MAST4: variants seen among roughly 807,000 people sequenced by gnomAD.
MAST4 encodes microtubule associated serine/threonine kinase family member 4, also known as microtubule-associated serine/threonine-protein kinase 4.
MAST4 carries 89 observed loss-of-function variants against 162.7 expected under a neutral mutation model. The observed-to-expected ratio is 0.55, with a 90% CI of 0.46 to 0.65. The LOEUF (loss-of-function observed/expected upper bound fraction) is 0.65. MAST4 is among the 30% of genes least tolerant of loss of function. The pLI is 0.00. For missense variants in MAST4, 3,153 were observed against 3,374.0 expected, an observed-to-expected ratio of 0.93 and a Z score of 1.62; for synonymous variants, 1,479 against 1,361.1, an observed-to-expected ratio of 1.09 and a Z score of -1.91.
chr5:66,936,848 G>A (rs964652742), intron 4 of MAST4, among the ~76,000 whole-genome samples: 2 of 152,154 alleles, frequency 1.3e-5, no homozygotes, highest in African/African-American at 2.4e-5. Flanking sequence ...ATAAATCAAT[G>A]AAAAACTCTT....
rs544007325 is a variant in MAST4, at chr5:67,104,168, A to G, written c.1147-198A>G. Reference sequence around the variant, plus strand: ...ATTCAGCCTTTGTGTTGTATAATCAATGGGTTCAGACAAATGTCTGATGAC... The same window carrying G: ...ATTCAGCCTTTGTGTTGTATAATCAGTGGGTTCAGACAAATGTCTGATGAC... On this transcript the variant is annotated intron_variant, in intron 9 of 28. Coordinates refer to ENST00000403625, the MANE Select transcript of MAST4 (RefSeq NM_001164664.2). Among the ~76,000 whole-genome samples the G allele has an allele frequency of 3.9e-5, 6 of 152,334 alleles. No individual in the cohort carries two copies. The South Asian group carries it at 6.2e-4, about 16-fold the overall frequency.
intron 3 of MAST4, among the ~76,000 whole-genome samples, chr5:66,861,813 C>G (rs1453705309): frequency 6.6e-5 from 10 of 152,152 alleles, no homozygotes; most frequent in Non-Finnish European, 1.3e-4. Context: ...ATACCCCACC[C>G]TAGAATTTAT....
rs148966872 is a variant in MAST4 at position 66,602,384 on chromosome 5, C to G, written c.363+5366C>G. ...CTACCAAAGAACGAAGGCTTTTACC[C>G]TTTCCACTCTGGTCTGAAGTACTCC... On this transcript the variant is annotated intron_variant, in intron 1 of 28. Transcript: ENST00000403625. Among the ~76,000 whole-genome samples the G allele has an allele frequency of 4.6e-5, 7 of 152,284 alleles. No homozygotes were observed. In the East Asian group the frequency reaches 1.4e-3, roughly 29 times the overall value.
intron 4 of MAST4, among the ~76,000 whole-genome samples, chr5:66,942,260 T>C (rs1211602706): frequency 6.6e-6 from 1 of 152,118 alleles, no homozygotes; most frequent in South Asian, 2.1e-4. Flanking sequence ...AAGACTATGA[T>C]AAAAAATTAG....
intron 10 of MAST4, among the ~76,000 whole-genome samples, chr5:67,109,447 CCCT>C (rs1683208165): frequency 6.6e-6 from 1 of 151,608 alleles, no homozygotes; most frequent in Admixed American, 6.6e-5. Context: ...GACTTCGATC[CCCT>C]CCTCAAGATA....
chr5:66,744,517 A>C (rs939945348), intron 1 of MAST4, among the ~76,000 whole-genome samples: 3 of 152,206 alleles, frequency 2.0e-5, no homozygotes, highest in Non-Finnish European at 4.4e-5. Context: ...TAAGGAAAAG[A>C]GGTTTAATTG....
At chr5:67,080,252 T>G (rs1762443185) in intron 5 of MAST4, among the ~76,000 whole-genome samples, 2 of 152,238 alleles carry the variant, frequency 1.3e-5, no homozygotes, top group South Asian at 4.1e-4. Flanking sequence ...GCTTTCCAAA[T>G]GATTTAAAAA....
chr5:66,908,118 A>G (rs919571108), intron 4 of MAST4, among the ~76,000 whole-genome samples: 1 of 152,222 alleles, frequency 6.6e-6, no homozygotes, highest in Non-Finnish European at 1.5e-5. Context: ...ATCTATCCTG[A>G]GAGTAAAGAG....
chr5:67,117,323 TC>T (rs1263599899), intron 12 of MAST4, among the ~76,000 whole-genome samples: 1 of 152,164 alleles, frequency 6.6e-6, no homozygotes, highest in African/African-American at 2.4e-5. Flanking sequence ...TTCTGGAATT[TC>T]CCCTATAGGT....
intron 3 of MAST4, among the ~76,000 whole-genome samples, chr5:66,899,455 A>G (rs931818507): frequency 1.3e-5 from 2 of 152,158 alleles, no homozygotes; most frequent in Non-Finnish European, 2.9e-5. Context: ...CTTTTCCATT[A>G]TTATTTTAAA....
At chr5:67,060,911 C>G (rs1759492272) in intron 5 of MAST4, among the ~76,000 whole-genome samples, 1 of 152,144 alleles carries the variant, frequency 6.6e-6, no homozygotes, top group African/African-American at 2.4e-5. Flanking sequence ...TACTTGTTTA[C>G]TAATAGGCGT....
intron 1 of MAST4, among the ~76,000 whole-genome samples, chr5:66,636,109 C>T (rs1181468719): frequency 1.3e-5 from 2 of 151,926 alleles, no homozygotes; most frequent in Admixed American, 6.6e-5. Context: ...AGACGTATGC[C>T]ACCACGCCCA....
intron 5 of MAST4, among the ~76,000 whole-genome samples, chr5:67,066,996 C>T (rs1441783531): frequency 6.6e-6 from 1 of 152,154 alleles, no homozygotes; most frequent in Non-Finnish European, 1.5e-5. Context: ...TGTTAAACTT[C>T]CAGGAACTTT....
intron 4 of MAST4, among the ~76,000 whole-genome samples, chr5:66,966,558 G>A (rs995337087): frequency 3.9e-5 from 6 of 152,100 alleles, no homozygotes; most frequent in African/African-American, 1.4e-4. Flanking sequence ...GGATGCCTTG[G>A]GCATCAACAT....
chr5:66,614,301 C>T (rs1468838982), intron 1 of MAST4, among the ~76,000 whole-genome samples: 1 of 152,208 alleles, frequency 6.6e-6, no homozygotes, highest in African/African-American at 2.4e-5. Flanking sequence ...TTTATTATAA[C>T]CACAGTGTGT....
intron 3 of MAST4, among the ~76,000 whole-genome samples, chr5:66,846,632 G>C (rs1463072643): frequency 2.6e-5 from 4 of 152,022 alleles, no homozygotes. Flanking sequence ...GGTATGTTAT[G>C]GTATAAAATT....
At chr5:66,987,998 T>A (rs530350611) in intron 4 of MAST4, among the ~76,000 whole-genome samples, 11 of 152,220 alleles carry the variant, frequency 7.2e-5, no homozygotes, top group South Asian at 2.1e-4. Flanking sequence ...TGCTTTATTT[T>A]AAAAAAAACT....
intron 3 of MAST4, among the ~76,000 whole-genome samples, chr5:66,840,998 G>A (rs1758383718): frequency 6.6e-6 from 1 of 152,152 alleles, no homozygotes; most frequent in Admixed American, 6.6e-5. Flanking sequence ...TTAAATTTCT[G>A]TTTGAATGTT....
intron 2 of MAST4, 76 bp downstream of exon 2, chr5:66,759,938 T>C (rs1184469345): frequency 3.1e-5 from 47 of 1,499,996 alleles, no homozygotes; most frequent in Non-Finnish European, 4.2e-5. Context: ...GAGTTCCACA[T>C]GTAATCAGCT....
Sources: allele counts gnomAD v4.1 joint callset (sites outside exome capture counted in the v4.1 genomes callset), GRCh38; gene constraint gnomAD v4.1.1; transcripts MANE v1.5; gene names NCBI Gene and HGNC (gene_info 2026-07-23, HGNC 2026-07-21).